Variants in ATXN1 observed in about 807,000 individuals in gnomAD.
The protein encoded by ATXN1 is ataxin-1.
In ATXN1, 8 loss-of-function variants were observed where a neutral mutation model predicts 56.4. The observed-to-expected ratio is 0.14, with a 90% CI of 0.08 to 0.26. ATXN1 has a LOEUF of 0.26. Ranked by LOEUF, ATXN1 falls within the 10% of genes least tolerant of loss-of-function variation. ATXN1 has a pLI of 1.00. For synonymous variants in ATXN1, 514 were observed against 494.6 expected (o/e 1.04, Z -0.52); for missense variants, 987 against 1,106.5 (o/e 0.89, Z 1.53).
chr6:16,321,561 C>A (rs179993), intron 7 of ATXN1, among the ~76,000 whole-genome samples: 42,717 of 152,230 alleles, frequency 0.28, 7,448 homozygotes, highest in Non-Finnish European at 0.39. Context: ...TGGAGAAAAG[C>A]TGTACTGGGC....
intron 1 of ATXN1, 67 bp from the exon 2 acceptor site, chr6:16,753,414 A>T (rs1370806207): frequency 2.2e-6 from 1 of 452,300 alleles, no homozygotes; most frequent in Non-Finnish European, 4.4e-6. Context: ...TGCTTTAAAA[A>T]ATAAGTCCAC....
chr6:16,365,682 A>G (rs1174862833), intron 6 of ATXN1, among the ~76,000 whole-genome samples: 1 of 152,258 alleles, frequency 6.6e-6, no homozygotes. Context: ...CATAGACTAC[A>G]GTCAAAGGGT....
chr6:16,334,712 G>A (rs774107904), intron 6 of ATXN1, among the ~76,000 whole-genome samples: 2 of 152,154 alleles, frequency 1.3e-5, no homozygotes, highest in African/African-American at 2.4e-5. Flanking sequence ...GCAAGACCCT[G>A]TCTCAAGAAA....
intron 5 of ATXN1, among the ~76,000 whole-genome samples, chr6:16,505,948 C>T (rs975678082): frequency 2.0e-5 from 3 of 152,174 alleles, no homozygotes; most frequent in African/African-American, 4.8e-5. Context: ...ATAAGCAGCA[C>T]GTGTCCCATT....
chr6:16,420,969 C>G, intron 6 of ATXN1, among the ~76,000 whole-genome samples: 1 of 152,096 alleles, frequency 6.6e-6, no homozygotes, highest in East Asian at 1.9e-4. Flanking sequence ...CCCATCTGAC[C>G]CTGACTTACA....
chr6:16,382,890 A>G, intron 6 of ATXN1, among the ~76,000 whole-genome samples: 1 of 133,216 alleles, frequency 7.5e-6, no homozygotes, highest in Admixed American at 7.9e-5. Flanking sequence ...CCTGGATGGC[A>G]GAGGTGAATG....
chr6:16,636,267 T>C (rs188787804), intron 3 of ATXN1, among the ~76,000 whole-genome samples: 1 of 152,340 alleles, frequency 6.6e-6, no homozygotes, highest in Non-Finnish European at 1.5e-5. Context: ...GGTTGGTAAC[T>C]TTCCCAAGGT....
intron 5 of ATXN1, among the ~76,000 whole-genome samples, chr6:16,490,190 AC>A (rs1760633595): frequency 6.6e-6 from 1 of 151,500 alleles, no homozygotes; most frequent in East Asian, 1.9e-4. Context: ...ACACTATATT[AC>A]CCAGGTTATT....
intron 4 of ATXN1, among the ~76,000 whole-genome samples, chr6:16,547,170 G>T (rs1387613704): frequency 2.0e-5 from 3 of 152,164 alleles, no homozygotes. Flanking sequence ...AAAATAAGAA[G>T]CAAATAAAAG....
intron 6 of ATXN1, among the ~76,000 whole-genome samples, chr6:16,377,801 G>A (rs1214231431): frequency 3.3e-5 from 5 of 152,212 alleles, no homozygotes; most frequent in African/African-American, 4.8e-5. Flanking sequence ...TTGCATAAAC[G>A]CTGAAAAATG....
chr6:16,595,717 G>A (rs236932), intron 3 of ATXN1, among the ~76,000 whole-genome samples: 103,889 of 152,142 alleles, frequency 0.68, 35,656 homozygotes, highest in Admixed American at 0.76. Context: ...TCACCTGTAC[G>A]AAGGATGTCT....
At chr6:16,356,504 T>C (rs919829756) in intron 6 of ATXN1, among the ~76,000 whole-genome samples, 2 of 152,214 alleles carry the variant, frequency 1.3e-5, no homozygotes, top group Non-Finnish European at 2.9e-5. Context: ...AAGTTGAGGC[T>C]CACATAATTG....
chr6:16,686,716 G>A (rs1394103658), intron 2 of ATXN1, among the ~76,000 whole-genome samples: 1 of 152,080 alleles, frequency 6.6e-6, no homozygotes, highest in Non-Finnish European at 1.5e-5. Flanking sequence ...ATCTTTTAAA[G>A]TCCTACAAAT....
chr6:16,586,552 C>T (rs1336516251), intron 3 of ATXN1, among the ~76,000 whole-genome samples: 2 of 152,138 alleles, frequency 1.3e-5, no homozygotes, highest in Non-Finnish European at 2.9e-5. Flanking sequence ...TGTGAGGTGG[C>T]CAGGAATCAT....
At chr6:16,334,405 G>T (rs1561856485) in intron 6 of ATXN1, among the ~76,000 whole-genome samples, 1 of 151,932 alleles carries the variant, frequency 6.6e-6, no homozygotes, top group Admixed American at 6.6e-5. Context: ...ATTTGGTAGG[G>T]TTCTTAAAAA....
chr6:16,538,599 C>T (rs1269376174), intron 4 of ATXN1, among the ~76,000 whole-genome samples: 1 of 134,124 alleles, frequency 7.5e-6, no homozygotes, highest in Non-Finnish European at 1.6e-5. Flanking sequence ...CACCCCACAA[C>T]AGGCCCCGGT....
At chr6:16,310,461 C>T (rs909439233) in intron 7 of ATXN1, among the ~76,000 whole-genome samples, 3 of 152,134 alleles carry the variant, frequency 2.0e-5, no homozygotes, top group Non-Finnish European at 4.4e-5. Flanking sequence ...CTATATGTAA[C>T]AATATTTAAA....
At chr6:16,740,736 T>C (rs1760312143) in intron 2 of ATXN1, among the ~76,000 whole-genome samples, 1 of 152,218 alleles carries the variant, frequency 6.6e-6, no homozygotes, top group Admixed American at 6.5e-5. Context: ...TCTCACTCTG[T>C]GGCCCAGGCT....
At chr6:16,414,127 C>A (rs970164081) in intron 6 of ATXN1, among the ~76,000 whole-genome samples, 12 of 152,196 alleles carry the variant, frequency 7.9e-5, no homozygotes, top group Non-Finnish European at 1.6e-4. Flanking sequence ...GATAGGTCCT[C>A]ATTTTTCCAC....
Sources: allele counts gnomAD v4.1 joint callset (sites outside exome capture counted in the v4.1 genomes callset), GRCh38; gene constraint gnomAD v4.1.1; transcripts MANE v1.5; gene names NCBI Gene and HGNC (gene_info 2026-07-23, HGNC 2026-07-21).